Variants in ODAD4 observed in about 807,000 individuals in gnomAD.
ODAD4 encodes the protein outer dynein arm-docking complex subunit 4.
A neutral mutation model predicts 51.8 loss-of-function variants in ODAD4; 49 were observed. That is an observed-to-expected ratio of 0.95 (90% CI 0.75 to 1.20). The LOEUF is 1.20. ODAD4 is among the 50% of genes most tolerant of loss of function. The pLI is 0.00. For synonymous variants in ODAD4, 235 were observed against 221.3 expected (o/e 1.06, Z -0.55); for missense variants, 590 against 586.5 (o/e 1.01, Z -0.06).
intron 11 of ODAD4, among the ~76,000 whole-genome samples, chr17:41,962,238 C>CG (rs1179951362): frequency 2.6e-5 from 4 of 152,082 alleles, no homozygotes; most frequent in African/African-American, 7.2e-5. Context: ...AGGGGTGACT[C>CG]GGGGCCCCAC....
rs528808975 is a variant in ODAD4 at position 41,953,194 on chromosome 17, G to C, written c.1343-2023G>C. Among the ~76,000 whole-genome samples the C allele has an allele frequency of 3.4e-3, 523 of 152,220 alleles. 1 individual carries two copies. Among genetic ancestry groups the C allele is most frequent in the Admixed American group, 6.2e-3 (94 of 15,266 alleles). ...TTCTGCCTCAGCCTCCCAGGTAGCT[G>C]GGATTACATGCGTCCACCACCATGC... On this transcript the variant is annotated intron_variant, in intron 9 of 11. Transcript: ENST00000377540.
chr17:41,939,248 G>T, intron 7 of ODAD4, 76 bp downstream of exon 7: 1 of 1,382,656 alleles, frequency 7.2e-7, no homozygotes, highest in Non-Finnish European at 9.7e-7. Context: ...CCCTTGCCAG[G>T]GCTGCTGGTG....
intron 5 of ODAD4, 84 bp downstream of exon 5, chr17:41,937,011 G>A: frequency 1.6e-5 from 23 of 1,481,378 alleles, no homozygotes; most frequent in Non-Finnish European, 2.0e-5. Context: ...GGCAGAACCT[G>A]TCATATAATA....
chr17:41,940,593 G>C lies in ODAD4; in HGVS notation c.1058+1421G>C, dbSNP rs958065900. Reference sequence around the variant, plus strand: ...TAGCTTTAGGGACAGACCTGTCTTCGATCCCTGTCTTCTAACTGGCTCTGC... The same window carrying C: ...TAGCTTTAGGGACAGACCTGTCTTCCATCCCTGTCTTCTAACTGGCTCTGC... On this transcript the variant is annotated intron_variant, in intron 7 of 11. Coordinates refer to ENST00000377540, the MANE Select transcript of ODAD4 (RefSeq NM_031421.5). Among the ~76,000 whole-genome samples the C allele has an allele frequency of 2.6e-5, 4 of 152,250 alleles. No homozygotes were observed. The South Asian group carries it at 8.3e-4, about 32-fold the overall frequency.
At chr17:41,935,450 G>A in intron 2 of ODAD4, 102 bp downstream of exon 2, 1 of 1,527,488 alleles carries the variant, frequency 6.5e-7, no homozygotes. Flanking sequence ...CCTAGTGTTT[G>A]ATGCCATTTT....
In ODAD4 at chr17:41,935,307, G is replaced by A. The variant is rs782393508; in HGVS notation, c.205G>A (p.Asp69Asn). ...GGGAGACTTGGAGAGATCCCTGAAGGATGCTGAGGCTTCGCTCCAGAGTGA... is the reference window on the plus strand; with the variant it reads ...GGGAGACTTGGAGAGATCCCTGAAGAATGCTGAGGCTTCGCTCCAGAGTGA... The part of the protein sequence containing the change: ...KMGDLERSLK[D>N]AEASLQSDPA... Residue 69 changes from aspartate (D) to asparagine (N), a missense_variant, in exon 2 of 12, where the codon GAT becomes AAT. Physicochemically the swap from Asp to Asn is conservative, Grantham distance 23. Around this residue, in one of 3 missense-constraint regions of ODAD4, gnomAD observed 360 missense variants for 407.5 expected, o/e 0.88. Transcript: ENST00000377540. 6.2e-7 allele frequency: 1 copy of A among 1,614,014 alleles called. No homozygotes were observed. The highest frequency in any genetic ancestry group is 2.2e-5 in the East Asian group (1 of 44,882).
intron 11 of ODAD4, among the ~76,000 whole-genome samples, chr17:41,963,382 C>G (rs1555642027): frequency 6.6e-6 from 1 of 152,064 alleles, no homozygotes; most frequent in African/African-American, 2.4e-5. Context: ...CAGCGTATAT[C>G]TTTATAGGAA....
intron 10 of ODAD4, among the ~76,000 whole-genome samples, chr17:41,960,890 C>CAGGG (rs1555641603): frequency 2.0e-5 from 3 of 152,176 alleles, no homozygotes; most frequent in African/African-American, 4.8e-5. Flanking sequence ...CAGAGGCTCA[C>CAGGG]AGGGGCTCCA....
At chr17:41,944,229 G>T (rs555413804) in intron 7 of ODAD4, among the ~76,000 whole-genome samples, 4 of 151,926 alleles carry the variant, frequency 2.6e-5, no homozygotes, top group South Asian at 2.1e-4. Flanking sequence ...GCTGGGCGTG[G>T]TGGCATGTGC....
Position 41,935,349 on chromosome 17 carries a change from G to C in ODAD4, c.246+1G>C. ...CCAGAGTGACCCAGCTTTCTGTAAG[G>C]TGACTGCATGGGCGGGAGGACTGGA... On this transcript the variant is annotated splice_donor_variant, in intron 2 of 11. Coordinates refer to ENST00000377540, the MANE Select transcript of ODAD4 (RefSeq NM_031421.5). LOFTEE classifies it high-confidence loss of function. 1 of 1,613,644 alleles carries C rather than the reference G, an allele frequency of 6.2e-7. No homozygotes were observed. The highest frequency in any genetic ancestry group is 8.5e-7 in the Non-Finnish European group (1 of 1,179,780).
chr17:41,935,041 G>A (rs1476649014), intron 1 of ODAD4, among the ~76,000 whole-genome samples, 176 bp from the exon 2 acceptor site: 4 of 152,190 alleles, frequency 2.6e-5, no homozygotes, highest in African/African-American at 7.2e-5. Flanking sequence ...GAGTTGTTCT[G>A]CTTAGGAGCC....
At chr17:41,955,405 C>A in intron 10 of ODAD4, 88 bp downstream of exon 10, 1 of 667,774 alleles carries the variant, frequency 1.5e-6, no homozygotes, top group Non-Finnish European at 2.7e-6. Flanking sequence ...GCTTGGGCGC[C>A]ATTCCACAGC....
intron 7 of ODAD4, among the ~76,000 whole-genome samples, chr17:41,940,748 G>C (rs782211471): frequency 7.2e-5 from 11 of 152,096 alleles, no homozygotes; most frequent in Non-Finnish European, 1.2e-4. Context: ...TGGTACCTTG[G>C]ATCCAACCAT....
intron 4 of ODAD4, 43 bp from the exon 5 acceptor site, chr17:41,936,719 G>T: frequency 6.2e-7 from 1 of 1,609,482 alleles, no homozygotes. Context: ...GGTACACTCT[G>T]CTCCTTGCTG....
Position 41,956,314 on chromosome 17 carries a change from G to T in ODAD4, c.1443+997G>T, listed in dbSNP as rs145315085. On this transcript the variant is annotated intron_variant, in intron 10 of 11. Transcript: ENST00000377540. ...TCTGTCTGCCTCGGCCTCCCAAAGT[G>T]CTGGGATTATAGGTGTGAGCCACTG... Among the ~76,000 whole-genome samples, 310 of 151,916 alleles carry T rather than the reference G, an allele frequency of 2.0e-3. 3 individuals carry two copies. Among genetic ancestry groups the T allele is most frequent in the Non-Finnish European group, 1.0e-3 (71 of 67,988 alleles).
At chr17:41,957,146 T>G (rs2050743845) in intron 10 of ODAD4, among the ~76,000 whole-genome samples, 1 of 152,114 alleles carries the variant, frequency 6.6e-6, no homozygotes, top group African/African-American at 2.4e-5. Context: ...ACTCAAGTGA[T>G]CCTCCTGCCT....
In ODAD4 at chr17:41,939,116, G is replaced by A. The variant is rs369010092; in HGVS notation, c.1002G>A (p.Gly334=). 7 of 1,613,848 alleles carry A rather than the reference G, an allele frequency of 4.3e-6. No homozygotes were observed. The highest frequency in any genetic ancestry group is 5.1e-6 in the Non-Finnish European group (6 of 1,179,890). The change falls in exon 7 of 12, where the codon GGG becomes GGA. Residue 334 remains glycine (G), a synonymous_variant. Transcript: ENST00000377540. The part of the protein sequence containing the change: ...SCIGNAQIEL[G]QMEAALQSHR... Reference sequence around the variant, plus strand: ...TAGGGAATGCCCAGATTGAGCTGGGGCAGATGGAGGCAGCCCTGCAGAGCC... The same window carrying A: ...TAGGGAATGCCCAGATTGAGCTGGGACAGATGGAGGCAGCCCTGCAGAGCC...
intron 10 of ODAD4, among the ~76,000 whole-genome samples, chr17:41,956,241 G>A (rs1325904622): frequency 6.6e-6 from 1 of 151,614 alleles, no homozygotes; most frequent in African/African-American, 2.4e-5. Context: ...TAGAGATGGG[G>A]TTTCACCATG....
At chr17:41,961,013 A>G (rs1235438700) in intron 10 of ODAD4, among the ~76,000 whole-genome samples, 1 of 152,130 alleles carries the variant, frequency 6.6e-6, no homozygotes, top group African/African-American at 2.4e-5. Flanking sequence ...GGGTCTTTTC[A>G]GTGCTGCCTT....
Sources: gnomAD v4.1 joint callset for allele counts (sites outside exome capture counted in the v4.1 genomes callset) on GRCh38, gnomAD v4.1.1 for gene constraint, gnomAD v4.1.1 regional missense constraint, MANE v1.5 for transcripts, NCBI Gene and HGNC (gene_info 2026-07-23, HGNC 2026-07-21) for gene names.